The following CAMK4 variants were observed in gnomAD, a reference collection of about 807,000 sequenced individuals.
The protein encoded by CAMK4 is calcium/calmodulin dependent protein kinase IV, also known as calcium/calmodulin-dependent protein kinase type IV.
CAMK4 carries 22 observed loss-of-function variants against 44.9 expected under a neutral mutation model. The ratio of observed to expected loss-of-function variants is 0.49; its 90% confidence interval spans 0.35 to 0.70. The LOEUF is 0.70. Among genes scored for constraint, CAMK4 ranks in the 30% least tolerant of loss-of-function variants. CAMK4 has a pLI of 0.01. For missense variants in CAMK4, 498 were observed against 586.8 expected (o/e 0.85, Z 1.56); for synonymous variants, 218 against 215.4 (o/e 1.01, Z -0.11).
chr5:111,472,953 G>A (rs1189510657), intron 7 of CAMK4, among the ~76,000 whole-genome samples: 1 of 152,122 alleles, frequency 6.6e-6, no homozygotes, highest in South Asian at 2.1e-4. Flanking sequence ...TTTCTCCCTT[G>A]TTATGCTTAA....
chr5:111,434,228 G>A (rs901108062), intron 5 of CAMK4, among the ~76,000 whole-genome samples: 2 of 151,224 alleles, frequency 1.3e-5, no homozygotes, highest in Non-Finnish European at 2.9e-5. Context: ...GGGAGGCGGA[G>A]GTTGCAGTGA....
intron 2 of CAMK4, among the ~76,000 whole-genome samples, chr5:111,354,703 A>G (rs1750261332): frequency 6.6e-6 from 1 of 152,084 alleles, no homozygotes; most frequent in South Asian, 2.1e-4. Flanking sequence ...TCTCAAAAAT[A>G]AATAAGTAAA....
intron 2 of CAMK4, among the ~76,000 whole-genome samples, chr5:111,361,391 G>A (rs985793993): frequency 6.6e-6 from 1 of 152,044 alleles, no homozygotes; most frequent in South Asian, 2.1e-4. Flanking sequence ...TTTGGGAATT[G>A]TGCACATAAA....
At chr5:111,446,335 C>T in intron 5 of CAMK4, among the ~76,000 whole-genome samples, 1 of 152,142 alleles carries the variant, frequency 6.6e-6, no homozygotes, top group East Asian at 1.9e-4. Context: ...GATAATAAGC[C>T]AGACAAATTT....
chr5:111,326,646 C>A (rs1405663655), intron 1 of CAMK4, among the ~76,000 whole-genome samples: 1 of 148,370 alleles, frequency 6.7e-6, no homozygotes, highest in Admixed American at 6.8e-5. Flanking sequence ...AAAATATATG[C>A]TTTGCGTGTC....
chr5:111,322,483 G>A (rs950057276), intron 1 of CAMK4, among the ~76,000 whole-genome samples: 2 of 151,984 alleles, frequency 1.3e-5, no homozygotes, highest in African/African-American at 4.8e-5. Context: ...GGATCAAAAG[G>A]ATTTATCAGC....
chr5:111,426,963 G>T (rs1753250168), intron 5 of CAMK4, among the ~76,000 whole-genome samples: 2 of 152,170 alleles, frequency 1.3e-5, no homozygotes, highest in African/African-American at 4.8e-5. Context: ...TCCCAGTGCT[G>T]AATTAGGCCC....
At chr5:111,280,388 A>AT (rs1257136700) in intron 1 of CAMK4, among the ~76,000 whole-genome samples, 1 of 152,206 alleles carries the variant, frequency 6.6e-6, no homozygotes, top group East Asian at 1.9e-4. Context: ...TTTTTACATT[A>AT]TTTTTTGGGA....
intron 4 of CAMK4, among the ~76,000 whole-genome samples, chr5:111,386,861 C>T (rs1561455382): frequency 6.6e-6 from 1 of 152,216 alleles, no homozygotes. Flanking sequence ...CTGCTAGGCC[C>T]CCTGGCAGCT....
intron 5 of CAMK4, among the ~76,000 whole-genome samples, chr5:111,420,919 A>G (rs975989307): frequency 6.6e-6 from 1 of 152,130 alleles, no homozygotes; most frequent in Non-Finnish European, 1.5e-5. Context: ...AGTTAATGCA[A>G]TTATTACAGG....
At chr5:111,309,316 G>C (rs1255741831) in intron 1 of CAMK4, among the ~76,000 whole-genome samples, 1 of 152,130 alleles carries the variant, frequency 6.6e-6, no homozygotes, top group Non-Finnish European at 1.5e-5. Flanking sequence ...GGTCTTAGGT[G>C]GGCAGGACAG....
chr5:111,426,379 A>G (rs1177760448), intron 5 of CAMK4, among the ~76,000 whole-genome samples: 1 of 152,216 alleles, frequency 6.6e-6, no homozygotes, highest in African/African-American at 2.4e-5. Context: ...TCATATATGC[A>G]TTGCATTATC....
chr5:111,227,180 T>C (rs1748232032), intron 1 of CAMK4, among the ~76,000 whole-genome samples: 1 of 152,198 alleles, frequency 6.6e-6, no homozygotes, highest in Non-Finnish European at 1.5e-5. Flanking sequence ...AAACATCAAC[T>C]ACTATTCTAG....
chr5:111,297,847 C>T (rs1242249110), intron 1 of CAMK4, among the ~76,000 whole-genome samples: 1 of 152,160 alleles, frequency 6.6e-6, no homozygotes, highest in Non-Finnish European at 1.5e-5. Flanking sequence ...TTTCATGATT[C>T]TGGTGCCTTT....
chr5:111,419,473 T>G (rs1752941723), intron 5 of CAMK4, among the ~76,000 whole-genome samples: 1 of 152,236 alleles, frequency 6.6e-6, no homozygotes, highest in Admixed American at 6.5e-5. Flanking sequence ...CAATTTTGTC[T>G]TTTGTTGCCA....
At chr5:111,419,083 T>C (rs1283739153) in intron 5 of CAMK4, among the ~76,000 whole-genome samples, 1 of 152,176 alleles carries the variant, frequency 6.6e-6, no homozygotes, top group Non-Finnish European at 1.5e-5. Flanking sequence ...TTCCTATTTC[T>C]CCACATCCTC....
rs1377966820 is a variant in CAMK4 at position 111,297,098 on chromosome 5, C to T, written c.162-46926C>T. ...CTTAAGCTCCTTTAATGAGCAAAAG[C>T]TTCAGACACTTTTTAAAACTAAAAT... On this transcript the variant is annotated intron_variant, in intron 1 of 10. Transcript: ENST00000282356. Among the ~76,000 whole-genome samples, 5 of 152,174 alleles carry T rather than the reference C, an allele frequency of 3.3e-5. No individual in the cohort carries two copies. In the South Asian group the frequency reaches 1.0e-3, roughly 31 times the overall value.
chr5:111,419,128 C>T (rs369670127), intron 5 of CAMK4, among the ~76,000 whole-genome samples: 13 of 152,212 alleles, frequency 8.5e-5, no homozygotes, highest in African/African-American at 2.4e-4. Context: ...TTTTAATGAT[C>T]GCCATTCTAA....
chr5:111,408,943 A>G (rs947103040), intron 5 of CAMK4, among the ~76,000 whole-genome samples: 6 of 152,192 alleles, frequency 3.9e-5, no homozygotes, highest in Non-Finnish European at 7.3e-5. Flanking sequence ...GTGGGCTCCC[A>G]TGGGCATGGG....
Sources: allele counts gnomAD v4.1 joint callset (sites outside exome capture counted in the v4.1 genomes callset), GRCh38; gene constraint gnomAD v4.1.1; transcripts MANE v1.5; gene names NCBI Gene and HGNC (gene_info 2026-07-23, HGNC 2026-07-21).